FBN2: variants seen among roughly 807,000 people sequenced by gnomAD.
FBN2 encodes fibrillin 2.
A neutral mutation model predicts 355.6 loss-of-function variants in FBN2; 105 were observed. That is an observed-to-expected ratio of 0.30 (90% CI 0.25 to 0.35). The LOEUF (loss-of-function observed/expected upper bound fraction) is 0.35. Ranked by LOEUF, FBN2 falls within the 10% of genes least tolerant of loss-of-function variation. The probability of loss-of-function intolerance (pLI) is 1.00; values close to 1 mark genes in which losing one functional copy is unlikely to be tolerated. For missense variants in FBN2, 3,280 were observed against 3,758.7 expected (o/e 0.87, Z 3.33); for synonymous variants, 1,350 against 1,301.2 (o/e 1.04, Z -0.81).
At chr5:128,383,268 A>G (rs552095368) in intron 11 of FBN2, among the ~76,000 whole-genome samples, 42 of 152,178 alleles carry the variant, frequency 2.8e-4, no homozygotes, top group African/African-American at 9.6e-4. Flanking sequence ...TTTTCAACAA[A>G]GGGTGATGGT....
At position 128,289,990 on chromosome 5, in the gene FBN2, A is replaced by C. The variant is rs147109500; in HGVS notation, c.6446-43T>G. On this transcript the variant is annotated intron_variant, in intron 50 of 64. Coordinates refer to ENST00000262464, the MANE Select transcript of FBN2 (RefSeq NM_001999.4). The stretch of plus-strand genomic sequence containing the variant: ...AATTCTCCATTATTGAAGACTTGAA[A>C]TTATCAAAGAACTTAAGAAAGGATG... 8.6e-5 allele frequency: 97 copies of C among 1,125,958 alleles called. No homozygotes were observed. In the African/African-American group the frequency reaches 1.4e-3, roughly 16 times the overall value. The allele number at this position is 1,125,958 out of a possible 1,614,324, so 69.7% of individuals were successfully genotyped here.
At chr5:128,402,108 C>T (rs1334264409) in intron 8 of FBN2, among the ~76,000 whole-genome samples, 2 of 151,942 alleles carry the variant, frequency 1.3e-5, no homozygotes, top group Non-Finnish European at 2.9e-5. Flanking sequence ...CCTCTCTTTC[C>T]TTTGTATGAA....
intron 32 of FBN2, 117 bp downstream of exon 32, chr5:128,332,795 A>C: frequency 9.4e-7 from 1 of 1,064,902 alleles, no homozygotes; most frequent in Non-Finnish European, 1.5e-6. Context: ...CTTGCAACTA[A>C]GATAACCTTT....
chr5:128,309,885 T>C, intron 40 of FBN2, 98 bp downstream of exon 40: 1 of 1,363,586 alleles, frequency 7.3e-7, no homozygotes, highest in Non-Finnish European at 1.0e-6. Context: ...TCACGAAGAC[T>C]GAACTTCCAA....
chr5:128,451,531 G>A (rs1035737071), intron 6 of FBN2, among the ~76,000 whole-genome samples: 1 of 152,116 alleles, frequency 6.6e-6, no homozygotes, highest in Admixed American at 6.6e-5. Flanking sequence ...CTCCTGAGTA[G>A]CTGGGATTAC....
intron 5 of FBN2, among the ~76,000 whole-genome samples, chr5:128,487,999 A>G (rs868764537): frequency 1.3e-5 from 2 of 152,180 alleles, no homozygotes; most frequent in South Asian, 2.1e-4. Flanking sequence ...GCCAACACAT[A>G]AAAAGTCATA....
intron 5 of FBN2, among the ~76,000 whole-genome samples, chr5:128,509,720 T>C (rs1459513294): frequency 1.3e-5 from 2 of 152,188 alleles, no homozygotes; most frequent in African/African-American, 4.8e-5. Flanking sequence ...ACTTTCTAGA[T>C]AGATGTTTGA....
At chr5:128,368,584 G>A (rs1363249204) in intron 16 of FBN2, among the ~76,000 whole-genome samples, 1 of 151,030 alleles carries the variant, frequency 6.6e-6, no homozygotes, top group African/African-American at 2.4e-5. Context: ...TCTTCACCAT[G>A]ACAGCACAGA....
At chr5:128,449,347 G>C (rs1420948917) in intron 6 of FBN2, among the ~76,000 whole-genome samples, 3 of 99,456 alleles carry the variant, frequency 3.0e-5, no homozygotes, top group Non-Finnish European at 7.2e-5. Context: ...TAATTACATA[G>C]TATACTATAT....
intron 34 of FBN2, among the ~76,000 whole-genome samples, chr5:128,319,526 T>C (rs1750310823): frequency 6.6e-6 from 1 of 151,862 alleles, no homozygotes; most frequent in South Asian, 2.1e-4. Flanking sequence ...TAAATAAATT[T>C]AGTTAATTAA....
intron 35 of FBN2, 79 bp downstream of exon 35, chr5:128,318,800 A>G: frequency 6.7e-7 from 1 of 1,484,102 alleles, no homozygotes; most frequent in Non-Finnish European, 9.3e-7. Context: ...CTAAGCAGAA[A>G]TCTCAGGAAT....
rs138513859 is a variant in FBN2, at chr5:128,496,064, A to G, written c.628+23209T>C. 2.9e-3 allele frequency among the ~76,000 whole-genome samples: 437 copies of G among 152,254 alleles called. 2 individuals carry two copies. Among genetic ancestry groups the G allele is most frequent in the African/African-American group, 0.01 (420 of 41,574 alleles). On this transcript the variant is annotated intron_variant, in intron 5 of 64. Transcript: ENST00000262464. ...AGGGATAGAGAAACTATCCACAAAG[A>G]AAGGCCCAGGCCCAGATGGCTTTAC...
At chr5:128,423,197 G>T (rs1169371408) in intron 7 of FBN2, among the ~76,000 whole-genome samples, 1 of 152,102 alleles carries the variant, frequency 6.6e-6, no homozygotes, top group East Asian at 1.9e-4. Context: ...AAATCAAATG[G>T]AATATTCTTC....
chr5:128,412,087 A>G (rs1753083661), intron 7 of FBN2, among the ~76,000 whole-genome samples: 1 of 151,454 alleles, frequency 6.6e-6, no homozygotes, highest in Non-Finnish European at 1.5e-5. Flanking sequence ...ACTGCCACCC[A>G]TCTCTCCTTG....
chr5:128,515,410 G>C (rs1756255157), intron 5 of FBN2, among the ~76,000 whole-genome samples: 1 of 152,116 alleles, frequency 6.6e-6, no homozygotes, highest in Admixed American at 6.5e-5. Flanking sequence ...TAAATGTCCT[G>C]GTTGGACAGC....
intron 7 of FBN2, among the ~76,000 whole-genome samples, chr5:128,436,044 C>G (rs952132424): frequency 6.6e-6 from 1 of 152,126 alleles, no homozygotes; most frequent in Non-Finnish European, 1.5e-5. Context: ...CAGTAATTCC[C>G]CATGAAATAT....
chr5:128,323,144 T>C (rs1750433255), intron 34 of FBN2, among the ~76,000 whole-genome samples: 1 of 152,214 alleles, frequency 6.6e-6, no homozygotes. Flanking sequence ...TTATCAGCTT[T>C]AGGAGATTTT....
rs773011673 is a variant in FBN2, at chr5:128,278,702, T to A, written c.7278A>T (p.Pro2426=). The A allele has an allele frequency of 2.5e-6, 4 of 1,614,172 alleles. No homozygotes were observed. In the South Asian group the frequency reaches 4.4e-5, roughly 18 times the overall value. The part of the protein sequence containing the change: ...RGWGHQCELC[P]LPGTAQYKKI... ...TTTTGTACTGGGCAGTTCCAGGAAG[T>A]GGGCAAAGCTCGCACTGGTGGCCCC... The change falls in exon 57 of 65, where the codon CCA becomes CCT. Residue 2426 remains proline (P), a synonymous_variant. Transcript: ENST00000262464.
chr5:128,401,234 C>T (rs542307524), intron 8 of FBN2, among the ~76,000 whole-genome samples: 1 of 152,106 alleles, frequency 6.6e-6, no homozygotes, highest in Non-Finnish European at 1.5e-5. Context: ...TGGGAGTATG[C>T]AATGATATTG....
Sources: gnomAD v4.1 joint callset for allele counts (sites outside exome capture counted in the v4.1 genomes callset) on GRCh38, gnomAD v4.1.1 for gene constraint, MANE v1.5 for transcripts, NCBI Gene and HGNC (gene_info 2026-07-23, HGNC 2026-07-21) for gene names.